The following ZDHHC15 variants were observed in gnomAD, a reference collection of about 807,000 sequenced individuals.
ZDHHC15 encodes palmitoyltransferase ZDHHC15.
A neutral mutation model predicts 31.7 loss-of-function variants in ZDHHC15; 19 were observed. The ratio of observed to expected loss-of-function variants is 0.60; its 90% confidence interval spans 0.42 to 0.88. The LOEUF is 0.88. Among genes scored for constraint, ZDHHC15 ranks in the 40% least tolerant of loss-of-function variants. The pLI is 0.00. For synonymous variants in ZDHHC15, 103 were observed against 90.0 expected (o/e 1.14, Z -0.82); for missense variants, 209 against 251.2 (o/e 0.83, Z 1.14).
Position 75,422,003 on chromosome X carries a change from A to G in ZDHHC15, c.737-13T>C. The G allele has an allele frequency of 1.7e-6, 2 of 1,191,860 alleles. No homozygotes were observed. Among genetic ancestry groups the G allele is most frequent in the Non-Finnish European group, 2.3e-6 (2 of 887,837 alleles). On this transcript the variant is annotated splice_polypyrimidine_tract_variant and intron_variant, in intron 8 of 11. Coordinates refer to ENST00000373367, the MANE Select transcript of ZDHHC15 (RefSeq NM_144969.3). ...GTGCAGAAGGCCTCTAAGGCAGGGC[A>G]GGAGAGTTGAAGAAAAGAGGAAGAA... is the stretch of plus-strand genomic sequence containing the variant.
At position 75,371,574 on chromosome X, in the gene ZDHHC15, T is replaced by C. The variant is rs935579891; in HGVS notation, c.*1404A>G. ...TAAATTGTGGCAGGCAACTCTTTTT[T>C]ACTCAAACATATTTCAGGGAAGATA... is the stretch of plus-strand genomic sequence containing the variant. On this transcript the variant is annotated 3_prime_UTR_variant, in exon 12 of 12. Coordinates refer to ENST00000373367, the MANE Select transcript of ZDHHC15 (RefSeq NM_144969.3). 1 of 111,634 alleles carries C rather than the reference T, an allele frequency of 9.0e-6. No individual in the cohort carries two copies. Among genetic ancestry groups the C allele is most frequent in the Non-Finnish European group, 1.9e-5 (1 of 53,130 alleles). 9.2% of individuals were successfully genotyped at this position (111,634 alleles called of 1,213,427 possible).
chrX:75,483,048 T>C (rs927781626), intron 2 of ZDHHC15, among the ~76,000 whole-genome samples: 4 of 99,592 alleles, frequency 4.0e-5, no homozygotes, highest in Non-Finnish European at 7.8e-5. Flanking sequence ...CATATATACA[T>C]ATATACACAT....
Position 75,405,026 on chromosome X carries a change from A to G in ZDHHC15, c.967+12061T>C, listed in dbSNP as rs1381350448. Among the ~76,000 whole-genome samples the G allele has an allele frequency of 2.7e-5, 3 of 112,108 alleles. No homozygotes were observed. The East Asian group carries it at 8.4e-4, about 32-fold the overall frequency. ...GATAAAGAAAATGTGGCACCCATACACCATGGAATATTATTCAGTCATAGA... is the reference window on the plus strand; with the variant it reads ...GATAAAGAAAATGTGGCACCCATACGCCATGGAATATTATTCAGTCATAGA... On this transcript the variant is annotated intron_variant, in intron 10 of 11. Transcript: ENST00000373367.
In ZDHHC15 at chrX:75,476,251, A is replaced by T. The variant is rs774327935; in HGVS notation, c.258+2640T>A. ...GCACTAGCCAGAGGAAATGTTTCTT[A>T]TTTTTTTTTTTAAGAAATTTGGGAA... is the stretch of plus-strand genomic sequence containing the variant. On this transcript the variant is annotated intron_variant, in intron 3 of 11. Transcript: ENST00000373367. 6.0e-3 allele frequency among the ~76,000 whole-genome samples: 622 copies of T among 103,745 alleles called. 4 individuals carry two copies. The highest frequency in any genetic ancestry group is 0.021 in the African/African-American group (591 of 28,785). The allele number at this position is 103,745 out of a possible 115,157, so 90.1% of individuals were successfully genotyped here.
intron 1 of ZDHHC15, among the ~76,000 whole-genome samples, chrX:75,517,415 G>T (rs1483531978): frequency 1.8e-5 from 2 of 109,667 alleles, no homozygotes; most frequent in African/African-American, 3.3e-5. Flanking sequence ...CCATAAAAAA[G>T]GATGAGTTCA....
intron 10 of ZDHHC15, among the ~76,000 whole-genome samples, chrX:75,386,123 G>A (rs1172665933): frequency 5.4e-5 from 6 of 111,508 alleles, no homozygotes; most frequent in African/African-American, 2.0e-4. Flanking sequence ...TTCTACTGTG[G>A]GCAGTATTAA....
At chrX:75,441,415 C>T (rs943284333) in intron 4 of ZDHHC15, among the ~76,000 whole-genome samples, 2 of 111,103 alleles carry the variant, frequency 1.8e-5, no homozygotes, top group African/African-American at 6.5e-5. Context: ...TTTGTTTCCG[C>T]TCTAAGGAAG....
chrX:75,417,494 G>C (rs1028655885), intron 9 of ZDHHC15, among the ~76,000 whole-genome samples: 1 of 111,896 alleles, frequency 8.9e-6, no homozygotes, highest in Non-Finnish European at 1.9e-5. Flanking sequence ...ACTTAATGAT[G>C]ATGATACCAA....
intron 2 of ZDHHC15, 40 bp from the exon 3 acceptor site, chrX:75,479,025 A>G: frequency 2.1e-6 from 2 of 948,387 alleles, no homozygotes; most frequent in East Asian, 3.4e-5. Context: ...CTATCTTTTT[A>G]TCCATTTCTA....
intron 4 of ZDHHC15, among the ~76,000 whole-genome samples, chrX:75,437,621 A>G (rs1264557147): frequency 9.6e-6 from 1 of 104,279 alleles, no homozygotes; most frequent in Non-Finnish European, 2.0e-5. Flanking sequence ...TGAACTCATC[A>G]TTTTTTATGG....
chrX:75,445,363 G>T (rs2084018651), intron 4 of ZDHHC15, among the ~76,000 whole-genome samples: 1 of 111,825 alleles, frequency 8.9e-6, no homozygotes, highest in African/African-American at 3.2e-5. Context: ...ATGGAAATAT[G>T]CAAAGTATCT....
At chrX:75,487,478 A>ATG (rs2147999267) in intron 2 of ZDHHC15, among the ~76,000 whole-genome samples, 1 of 112,195 alleles carries the variant, frequency 8.9e-6, no homozygotes, top group Non-Finnish European at 1.9e-5. Flanking sequence ...CTGGAGAAAG[A>ATG]AGGAGAGCAC....
At position 75,369,049 on chromosome X, in the gene ZDHHC15, G is replaced by A; in HGVS notation, c.*3929C>T. 9.0e-6 allele frequency: 1 copy of A among 111,550 alleles called. No individual in the cohort carries two copies. Among genetic ancestry groups the A allele is most frequent in the South Asian group, 3.8e-4 (1 of 2,634 alleles). 9.2% of individuals were successfully genotyped at this position (111,550 alleles called of 1,213,427 possible). On this transcript the variant is annotated 3_prime_UTR_variant, in exon 12 of 12. Transcript: ENST00000373367. ...TCATCAACCAATTCCTAACGAGATG[G>A]AACTCATTAATTTTCTAAGAATATG...
intron 2 of ZDHHC15, among the ~76,000 whole-genome samples, chrX:75,484,715 G>T (rs2084749806): frequency 9.0e-6 from 1 of 111,602 alleles, no homozygotes; most frequent in African/African-American, 3.3e-5. Flanking sequence ...CCACAGCTAG[G>T]TATTTACTCA....
chrX:75,451,284 T>C (rs2084113154), intron 3 of ZDHHC15, among the ~76,000 whole-genome samples: 1 of 111,920 alleles, frequency 8.9e-6, no homozygotes, highest in Admixed American at 9.5e-5. Flanking sequence ...TACAGATGTG[T>C]AACACATTTT....
chrX:75,480,838 T>G (rs1005161905), intron 2 of ZDHHC15, among the ~76,000 whole-genome samples: 3 of 111,890 alleles, frequency 2.7e-5, no homozygotes, highest in Admixed American at 9.6e-5. Context: ...ACAAAAAATA[T>G]CTATAGGATC....
intron 1 of ZDHHC15, among the ~76,000 whole-genome samples, chrX:75,511,450 A>T (rs1438541884): frequency 4.6e-5 from 3 of 65,102 alleles, no homozygotes; most frequent in South Asian, 1.2e-3. Flanking sequence ...TAAATTTGTT[A>T]GAGTTCATTG....
chrX:75,433,695 G>GTA (rs1389421395), intron 4 of ZDHHC15, among the ~76,000 whole-genome samples: 87 of 5,077 alleles, frequency 0.017, no homozygotes, highest in African/African-American at 0.02. Context: ...GTGTGTGTGT[G>GTA]TGTATATATA....
Position 75,521,634 on chromosome X carries a change from A to T in ZDHHC15, c.136+1255T>A, listed in dbSNP as rs970639018. ...TAGTGTGACAGGACAGGGTAAAAAA[A>T]GATCATAGAATTATAAAAGGGGTAG... On this transcript the variant is annotated intron_variant, in intron 1 of 11. Coordinates refer to ENST00000373367, the MANE Select transcript of ZDHHC15 (RefSeq NM_144969.3). Among the ~76,000 whole-genome samples, 5 of 111,045 alleles carry T rather than the reference A, an allele frequency of 4.5e-5. No individual in the cohort carries two copies. The Admixed American group carries it at 4.8e-4, about 11-fold the overall frequency.
Sources: gnomAD v4.1 joint callset for allele counts (sites outside exome capture counted in the v4.1 genomes callset) on GRCh38, gnomAD v4.1.1 for gene constraint, MANE v1.5 for transcripts, NCBI Gene and HGNC (gene_info 2026-07-23, HGNC 2026-07-21) for gene names.